KHDRBS2: variants seen among roughly 807,000 people sequenced by gnomAD.
KHDRBS2 encodes the protein KH RNA binding domain containing, signal transduction associated 2, also known as KH domain-containing, RNA-binding, signal transduction-associated protein 2.
In KHDRBS2, 26 loss-of-function variants were observed where a neutral mutation model predicts 44.3. That is an observed-to-expected ratio of 0.59 (90% CI 0.43 to 0.81). The LOEUF is 0.81. Among genes scored for constraint, KHDRBS2 ranks in the 40% least tolerant of loss-of-function variants. The pLI, the probability that KHDRBS2 is intolerant of heterozygous loss-of-function variation, is 0.00. For missense variants in KHDRBS2, 476 were observed against 433.1 expected, an observed-to-expected ratio of 1.10 and a Z score of -0.88; for synonymous variants, 194 against 151.1, an observed-to-expected ratio of 1.28 and a Z score of -2.08.
At chr6:62,042,245 C>T (rs1464204490) in intron 3 of KHDRBS2, among the ~76,000 whole-genome samples, 1 of 151,498 alleles carries the variant, frequency 6.6e-6, no homozygotes, top group Non-Finnish European at 1.5e-5. Context: ...AAATAAAATT[C>T]CACTTATCTA....
the KHDRBS2 span, among the ~76,000 whole-genome samples, chr6:61,662,229 T>C: frequency 0.19 from 29,231 of 150,952 alleles, 2,974 homozygotes; most frequent in African/African-American, 0.23. Context: ...CTTCCTTACA[T>C]CTTATACAAA....
chr6:62,062,268 C>G (rs903946464), intron 2 of KHDRBS2, among the ~76,000 whole-genome samples: 1 of 148,404 alleles, frequency 6.7e-6, no homozygotes, highest in African/African-American at 2.5e-5. Flanking sequence ...CAGCTCTGCA[C>G]CAAGCAGACC....
rs147322229 is a variant in KHDRBS2 at position 62,217,998 on chromosome 6, C to T, written c.92-40686G>A. Among the ~76,000 whole-genome samples the T allele has an allele frequency of 1.0e-3, 159 of 151,904 alleles. 1 individual carries two copies. The highest frequency in any genetic ancestry group is 3.7e-3 in the African/African-American group (154 of 41,514). On this transcript the variant is annotated intron_variant, in intron 1 of 8. Transcript: ENST00000281156. ...AGAGGAGGAATCACTCGGCCAAGGT[C>T]CCAGAGAAGAGTGACTCTGGAGAGA...
At chr6:61,683,788 G>A (rs941128743) in intron 8 of KHDRBS2, among the ~76,000 whole-genome samples, 2 of 151,804 alleles carry the variant, frequency 1.3e-5, no homozygotes, top group South Asian at 2.1e-4. Context: ...CTGCTTCTAT[G>A]TGAATTAATA....
intron 4 of KHDRBS2, among the ~76,000 whole-genome samples, chr6:61,911,108 C>A (rs772109339): frequency 7.2e-5 from 11 of 152,126 alleles, no homozygotes; most frequent in African/African-American, 2.2e-4. Context: ...AAAGTGTACA[C>A]ATTCTATGCA....
intron 3 of KHDRBS2, among the ~76,000 whole-genome samples, chr6:62,003,811 ACT>A (rs892318999): frequency 1.9e-4 from 29 of 152,056 alleles, no homozygotes; most frequent in Admixed American, 1.4e-3. Flanking sequence ...ATCACAACAA[ACT>A]CTCTCTCAGA....
intron 6 of KHDRBS2, among the ~76,000 whole-genome samples, chr6:61,734,980 G>C (rs1165028716): frequency 6.6e-6 from 1 of 152,136 alleles, no homozygotes; most frequent in African/African-American, 2.4e-5. Context: ...ATTGTTGGTA[G>C]TGAATTTCCT....
chr6:61,611,015 T>C, the KHDRBS2 span, among the ~76,000 whole-genome samples: 1 of 152,230 alleles, frequency 6.6e-6, no homozygotes, highest in African/African-American at 2.4e-5. Context: ...TGGCTGGCTA[T>C]GTATTCATAT....
chr6:62,018,899 T>C (rs1024485396), intron 3 of KHDRBS2, among the ~76,000 whole-genome samples: 1 of 152,186 alleles, frequency 6.6e-6, no homozygotes, highest in Non-Finnish European at 1.5e-5. Context: ...GGCTGCTGAG[T>C]TATATTCTGA....
chr6:62,072,409 G>T (rs1202003558), intron 2 of KHDRBS2, among the ~76,000 whole-genome samples: 3 of 152,102 alleles, frequency 2.0e-5, no homozygotes, highest in South Asian at 2.1e-4. Context: ...GGGCATCCCT[G>T]TCTTCTGCCA....
intron 1 of KHDRBS2, among the ~76,000 whole-genome samples, chr6:62,192,537 A>AATTTGT (rs1294842776): frequency 6.6e-6 from 1 of 152,120 alleles, no homozygotes; most frequent in Non-Finnish European, 1.5e-5. Flanking sequence ...GATGTGCTTG[A>AATTTGT]ATTTGTATTA....
At chr6:61,549,885 A>T in the KHDRBS2 span, among the ~76,000 whole-genome samples, 2 of 152,142 alleles carry the variant, frequency 1.3e-5, no homozygotes, top group African/African-American at 4.8e-5. Flanking sequence ...AGGTTAAATG[A>T]TTCTTTTTGG....
chr6:62,120,491 C>T (rs1171877556), intron 2 of KHDRBS2, among the ~76,000 whole-genome samples: 1 of 152,042 alleles, frequency 6.6e-6, no homozygotes, highest in Non-Finnish European at 1.5e-5. Context: ...AATTGGATCC[C>T]GAGGTGGCAG....
At chr6:62,062,751 T>C (rs1181748543) in intron 2 of KHDRBS2, among the ~76,000 whole-genome samples, 3 of 145,062 alleles carry the variant, frequency 2.1e-5, no homozygotes, top group Non-Finnish European at 3.0e-5. Flanking sequence ...ATTCAAAAGC[T>C]GGCAGAAGGC....
intron 6 of KHDRBS2, among the ~76,000 whole-genome samples, chr6:61,856,486 T>G (rs1796168500): frequency 6.6e-6 from 1 of 152,078 alleles, no homozygotes; most frequent in Admixed American, 6.6e-5. Flanking sequence ...TGTTTTTACT[T>G]TACTTGAAAA....
chr6:61,846,903 G>GA (rs969888555), intron 6 of KHDRBS2, among the ~76,000 whole-genome samples: 3 of 151,648 alleles, frequency 2.0e-5, no homozygotes, highest in East Asian at 3.9e-4. Flanking sequence ...ATAACTTTTA[G>GA]AAAAAAAGAT....
chr6:62,192,193 T>TA (rs1824772157), intron 1 of KHDRBS2, among the ~76,000 whole-genome samples: 1 of 152,064 alleles, frequency 6.6e-6, no homozygotes. Context: ...TAAATCTGAT[T>TA]TTTTAAATGA....
rs114353571 is a variant in KHDRBS2, at chr6:62,244,139, T to C, written c.91+41719A>G. ...GATTCCTGAGTTTGCCAACAGTTTA[T>C]GTAGGGTTTTTGTATCTAAACGTAC... On this transcript the variant is annotated intron_variant, in intron 1 of 8. Coordinates refer to ENST00000281156, the MANE Select transcript of KHDRBS2 (RefSeq NM_152688.4). Among the ~76,000 whole-genome samples, 382 of 152,282 alleles carry C rather than the reference T, an allele frequency of 2.5e-3. 3 individuals are homozygous for C. The highest frequency in any genetic ancestry group is 8.4e-3 in the African/African-American group (350 of 41,562).
At chr6:61,553,258 C>A in the KHDRBS2 span, among the ~76,000 whole-genome samples, 3 of 152,034 alleles carry the variant, frequency 2.0e-5, no homozygotes, top group Admixed American at 6.6e-5. Context: ...GGAATCTATC[C>A]ATTTATCCTA....
Sources: gnomAD v4.1 joint callset for allele counts (sites outside exome capture counted in the v4.1 genomes callset) on GRCh38, gnomAD v4.1.1 for gene constraint, MANE v1.5 for transcripts, NCBI Gene and HGNC (gene_info 2026-07-23, HGNC 2026-07-21) for gene names.